The following DMRT1 variants were observed in gnomAD, a reference collection of about 807,000 sequenced individuals.
The protein encoded by DMRT1 is doublesex- and mab-3-related transcription factor 1.
DMRT1 carries 7 observed loss-of-function variants against 32.3 expected under a neutral mutation model. That is an observed-to-expected ratio of 0.22 (90% CI 0.12 to 0.41). The LOEUF (loss-of-function observed/expected upper bound fraction) is 0.41. DMRT1 is among the 10% of genes least tolerant of loss of function. The pLI is 1.00. For missense variants in DMRT1, 625 were observed against 500.5 expected (o/e 1.25, Z -2.37); for synonymous variants, 278 against 206.1 (o/e 1.35, Z -2.99).
At chr9:946,272 G>A (rs1384587495) in intron 4 of DMRT1, among the ~76,000 whole-genome samples, 5 of 151,938 alleles carry the variant, frequency 3.3e-5, no homozygotes, top group Non-Finnish European at 5.9e-5. Context: ...GGCTGCACCT[G>A]GTTACAATCC....
rs76368380 is a variant in DMRT1, at chr9:913,075, A to G, written c.823-3688A>G. The stretch of plus-strand genomic sequence containing the variant: ...AATAAAAAGTTTGCTGACACCTGCT[A>G]TAGACTCATGATCAACATTTTTCAA... On this transcript the variant is annotated intron_variant, in intron 3 of 4. Transcript: ENST00000382276. Among the ~76,000 whole-genome samples the G allele has an allele frequency of 1.3e-3, 202 of 152,348 alleles. 1 individual carries two copies. The highest frequency in any genetic ancestry group is 4.6e-3 in the African/African-American group (192 of 41,588).
chr9:864,704 G>T lies in DMRT1; in HGVS notation c.538+17561G>T, dbSNP rs567682096. ...TTTAGTAGAGACAGGGTTTCACCAT[G>T]TTAGCCAGGATGGTCTCCATCTCCT... On this transcript the variant is annotated intron_variant, in intron 2 of 4. Transcript: ENST00000382276. Among the ~76,000 whole-genome samples the T allele has an allele frequency of 5.6e-3, 845 of 150,432 alleles. 7 individuals are homozygous for T. Among genetic ancestry groups the T allele is most frequent in the African/African-American group, 0.019 (794 of 40,730 alleles).
chr9:897,192 A>G (rs1200366214), intron 3 of DMRT1, among the ~76,000 whole-genome samples: 1 of 151,452 alleles, frequency 6.6e-6, no homozygotes, highest in East Asian at 1.9e-4. Flanking sequence ...GGCTCACTGC[A>G]ACCTCTGCCT....
intron 4 of DMRT1, among the ~76,000 whole-genome samples, chr9:918,470 T>C (rs1818252850): frequency 6.6e-6 from 1 of 152,112 alleles, no homozygotes. Context: ...GCGGTAGGCA[T>C]TTGAATTTAT....
At position 841,976 on chromosome 9, in the gene DMRT1, C is replaced by G. The variant is rs1308325259; in HGVS notation, c.138C>G (p.Ser46Arg). ...TAGTGGGGGCGGCCAGCGGCTCGAG[C>G]GCCGGGGGCAGCAGCAGAGGAGGCG... The part of the protein sequence containing the change: ...GALVGAASGS[S>R]AGGSSRGGGS... Residue 46 changes from serine (S) to arginine (R), a missense_variant, in exon 1 of 5, where the codon AGC becomes AGG. By Grantham distance (110) the Ser-to-Arg change is moderately radical. Coordinates refer to ENST00000382276, the MANE Select transcript of DMRT1 (RefSeq NM_021951.3). The G allele has an allele frequency of 1.3e-6, 2 of 1,578,876 alleles. No homozygotes were observed. Among genetic ancestry groups the G allele is most frequent in the Non-Finnish European group, 1.7e-6 (2 of 1,163,418 alleles).
chr9:954,644 T>TTTA (rs1372156609), intron 4 of DMRT1, among the ~76,000 whole-genome samples: 1 of 151,906 alleles, frequency 6.6e-6, no homozygotes, highest in Non-Finnish European at 1.5e-5. Context: ...TGGGCTTTAT[T>TTTA]TTATTATTAT....
intron 4 of DMRT1, among the ~76,000 whole-genome samples, chr9:936,881 A>G (rs1483486589): frequency 6.6e-6 from 1 of 152,202 alleles, no homozygotes; most frequent in African/African-American, 2.4e-5. Context: ...TTTTAAGCAT[A>G]CAATTCAGTA....
At chr9:905,777 G>A (rs1405039459) in intron 3 of DMRT1, among the ~76,000 whole-genome samples, 2 of 151,964 alleles carry the variant, frequency 1.3e-5, no homozygotes, top group African/African-American at 4.8e-5. Flanking sequence ...CAGCCTTTCC[G>A]GGCTGTGAGC....
chr9:955,469 C>G (rs990390555), intron 4 of DMRT1, among the ~76,000 whole-genome samples: 1 of 152,196 alleles, frequency 6.6e-6, no homozygotes, highest in Non-Finnish European at 1.5e-5. Context: ...CTTTGGGAGG[C>G]TGAAGCAGGT....
chr9:901,001 T>G (rs12552680), intron 3 of DMRT1, among the ~76,000 whole-genome samples: 1,195 of 25,498 alleles, frequency 0.047, 20 homozygotes, highest in South Asian at 0.08. Flanking sequence ...TCTACTTCAG[T>G]TTTTTTTTTT....
chr9:901,118 G>A (rs529329181), intron 3 of DMRT1, among the ~76,000 whole-genome samples: 2 of 152,046 alleles, frequency 1.3e-5, no homozygotes, highest in East Asian at 1.9e-4. Context: ...GGACTTAAGC[G>A]ATCCTCCTAC....
intron 1 of DMRT1, among the ~76,000 whole-genome samples, chr9:846,253 G>A (rs1459800978): frequency 1.9e-4 from 29 of 152,046 alleles, no homozygotes; most frequent in Admixed American, 1.7e-3. Flanking sequence ...GGCCGATCTC[G>A]AACTCCTGAC....
intron 4 of DMRT1, among the ~76,000 whole-genome samples, chr9:923,131 A>G (rs1294221919): frequency 6.6e-6 from 1 of 152,146 alleles, no homozygotes; most frequent in Non-Finnish European, 1.5e-5. Context: ...CACCTCAGGG[A>G]GTGGACTTGC....
At chr9:912,292 G>C (rs1387414484) in intron 3 of DMRT1, among the ~76,000 whole-genome samples, 1 of 152,188 alleles carries the variant, frequency 6.6e-6, no homozygotes, top group Non-Finnish European at 1.5e-5. Flanking sequence ...GGAGATTACG[G>C]TGTGAGATGA....
rs58893896 is a variant in DMRT1 at position 870,709 on chromosome 9, C to CTTTTTTTTTTTTTTTTTTTTTTT, written c.539-23183_539-23182insTTTTTTTTTTTTTTTTTTTTTTT. On this transcript the variant is annotated intron_variant, in intron 2 of 4. Coordinates refer to ENST00000382276, the MANE Select transcript of DMRT1 (RefSeq NM_021951.3). ...GTTCCCATATTTCTCATTTTCTTGA[C>CTTTTTTTTTTTTTTTTTTTTTTT]TTTTTTTTTTTTTTTTTTTTGAGAC... 3.2e-4 allele frequency among the ~76,000 whole-genome samples: 22 copies of CTTTTTTTTTTTTTTTTTTTTTTT among 69,560 alleles called. 5 individuals carry two copies. Among genetic ancestry groups the CTTTTTTTTTTTTTTTTTTTTTTT allele is most frequent in the African/African-American group, 1.2e-3 (18 of 15,232 alleles). The allele number at this position is 69,560 out of a possible 152,430, so 45.6% of individuals were successfully genotyped here. A position where few individuals can be genotyped will look rare whatever the true frequency, so the allele number is the denominator to read the frequency against.
intron 2 of DMRT1, among the ~76,000 whole-genome samples, chr9:862,466 G>A (rs1283377508): frequency 1.3e-5 from 2 of 150,822 alleles, no homozygotes; most frequent in Non-Finnish European, 3.0e-5. Context: ...GTCCAGCCTC[G>A]GCATCAGAGG....
At chr9:872,092 C>G (rs1816292500) in intron 2 of DMRT1, among the ~76,000 whole-genome samples, 1 of 151,102 alleles carries the variant, frequency 6.6e-6, no homozygotes, top group Non-Finnish European at 1.5e-5. Context: ...GATGGCATCT[C>G]ACTCTGTCAC....
At chr9:913,965 G>A (rs1360442543) in intron 3 of DMRT1, among the ~76,000 whole-genome samples, 6 of 152,068 alleles carry the variant, frequency 3.9e-5, no homozygotes, top group African/African-American at 9.7e-5. Flanking sequence ...GAAGGATCAC[G>A]TATTCTAGTC....
At chr9:864,600 G>A (rs1353060709) in intron 2 of DMRT1, among the ~76,000 whole-genome samples, 1 of 149,832 alleles carries the variant, frequency 6.7e-6, no homozygotes, top group Non-Finnish European at 1.5e-5. Context: ...CCAGGCTCAT[G>A]CCATTCTCCT....
Sources: gnomAD v4.1 joint callset for allele counts (sites outside exome capture counted in the v4.1 genomes callset) on GRCh38, gnomAD v4.1.1 for gene constraint, MANE v1.5 for transcripts, NCBI Gene and HGNC (gene_info 2026-07-23, HGNC 2026-07-21) for gene names.